Variants in WDPCP observed in about 807,000 individuals in gnomAD.
WDPCP encodes WD repeat containing planar cell polarity effector, also known as WD repeat-containing and planar cell polarity effector protein fritz homolog.
Under a neutral mutation model 93.1 loss-of-function variants are expected in WDPCP, and 71 were observed. That is an observed-to-expected ratio of 0.76 (90% CI 0.63 to 0.93). The LOEUF is 0.93. Ranked by LOEUF, WDPCP falls within the 40% of genes least tolerant of loss-of-function variation. The probability of loss-of-function intolerance (pLI) is 0.00; values close to 1 mark genes in which losing one functional copy is unlikely to be tolerated. For synonymous variants in WDPCP, 315 were observed against 315.0 expected (o/e 1.00, Z 0.00); for missense variants, 844 against 887.4 (o/e 0.95, Z 0.62).
At chr2:63,429,678 A>G (rs923270208) in intron 9 of WDPCP, among the ~76,000 whole-genome samples, 1 of 152,160 alleles carries the variant, frequency 6.6e-6, no homozygotes, top group Non-Finnish European at 1.5e-5. Context: ...TTAAAAGTCA[A>G]AAAATAACAG....
At chr2:63,343,311 G>T (rs1012349304) in intron 12 of WDPCP, among the ~76,000 whole-genome samples, 1 of 151,406 alleles carries the variant, frequency 6.6e-6, no homozygotes. Flanking sequence ...TCTTTAAACA[G>T]TTTGCATATG....
chr2:63,753,701 G>A (rs1267506784), intron 2 of WDPCP, among the ~76,000 whole-genome samples: 1 of 152,116 alleles, frequency 6.6e-6, no homozygotes, highest in East Asian at 1.9e-4. Flanking sequence ...CACCAAGGGG[G>A]ATGGTGTTAA....
intron 2 of WDPCP, among the ~76,000 whole-genome samples, chr2:63,813,212 T>C (rs1670885742): frequency 1.3e-5 from 2 of 152,056 alleles, no homozygotes; most frequent in Non-Finnish European, 2.9e-5. Context: ...ATAATGGCAA[T>C]AGCCCAGGTG....
chr2:63,771,559 T>C (rs1411520406), intron 2 of WDPCP, among the ~76,000 whole-genome samples: 1 of 151,908 alleles, frequency 6.6e-6, no homozygotes, highest in African/African-American at 2.4e-5. Flanking sequence ...ATTTCAACTT[T>C]TATTTTAGAT....
intron 2 of WDPCP, among the ~76,000 whole-genome samples, chr2:63,799,958 T>C (rs1192721477): frequency 6.6e-6 from 1 of 152,232 alleles, no homozygotes; most frequent in Non-Finnish European, 1.5e-5. Flanking sequence ...TTCTCTTTTG[T>C]ATGCAATTGT....
At chr2:63,332,972 T>G (rs1688087262) in intron 12 of WDPCP, among the ~76,000 whole-genome samples, 1 of 152,182 alleles carries the variant, frequency 6.6e-6, no homozygotes, top group Non-Finnish European at 1.5e-5. Context: ...TTCTATCCAC[T>G]TTTCCTGAAG....
At chr2:63,622,450 G>A (rs1024519961) in intron 3 of WDPCP, 95 of 1,613,766 alleles carry the variant, frequency 5.9e-5, no homozygotes, top group Middle Eastern at 1.6e-4. Flanking sequence ...CAGGCTTCCC[G>A]GCGGATTTCA....
At chr2:63,768,377 G>T (rs998654011) in intron 2 of WDPCP, among the ~76,000 whole-genome samples, 1 of 149,772 alleles carries the variant, frequency 6.7e-6, no homozygotes, top group Non-Finnish European at 1.5e-5. Flanking sequence ...GCTATTCCAG[G>T]TCCTCTGCAT....
At chr2:63,323,598 A>T (rs1363645566) in intron 12 of WDPCP, among the ~76,000 whole-genome samples, 1 of 151,986 alleles carries the variant, frequency 6.6e-6, no homozygotes, top group Non-Finnish European at 1.5e-5. Flanking sequence ...ATGGCCCTCC[A>T]CTTCATTTGG....
At chr2:63,552,918 AAAGG>A (rs1705792325) in intron 1 of WDPCP, among the ~76,000 whole-genome samples, 1 of 152,222 alleles carries the variant, frequency 6.6e-6, no homozygotes, top group African/African-American at 2.4e-5. Context: ...AAGTGTGTCT[AAAGG>A]TGATTTCTAC....
At chr2:63,268,141 T>G (rs1043988418) in intron 13 of WDPCP, among the ~76,000 whole-genome samples, 1 of 152,200 alleles carries the variant, frequency 6.6e-6, no homozygotes. Context: ...ATATATAGCC[T>G]TTAAAAATAA....
chr2:63,631,970 C>T (rs1709869115), intron 3 of WDPCP, among the ~76,000 whole-genome samples: 1 of 152,220 alleles, frequency 6.6e-6, no homozygotes, highest in African/African-American at 2.4e-5. Context: ...ACAGTCATTG[C>T]TGCCACAGAC....
chr2:63,269,023 T>C (rs983822077), intron 13 of WDPCP, among the ~76,000 whole-genome samples: 3 of 152,198 alleles, frequency 2.0e-5, no homozygotes, highest in African/African-American at 7.2e-5. Flanking sequence ...GTAAGATGTT[T>C]AGTCTTTTTT....
intron 2 of WDPCP, among the ~76,000 whole-genome samples, chr2:63,796,057 GC>G (rs1670610797): frequency 6.6e-6 from 1 of 152,174 alleles, no homozygotes; most frequent in Non-Finnish European, 1.5e-5. Flanking sequence ...TGAGAAGGCT[GC>G]TAGAAGATTT....
At chr2:63,422,019 T>C (rs1695902414) in intron 9 of WDPCP, among the ~76,000 whole-genome samples, 1 of 152,188 alleles carries the variant, frequency 6.6e-6, no homozygotes, top group South Asian at 2.1e-4. Context: ...CGAATATGTA[T>C]ATGTATAAAA....
intron 2 of WDPCP, among the ~76,000 whole-genome samples, chr2:63,811,502 A>G (rs1670861784): frequency 6.6e-6 from 1 of 152,162 alleles, no homozygotes; most frequent in African/African-American, 2.4e-5. Flanking sequence ...CCTTACCAAC[A>G]CAAGGAAATG....
chr2:63,699,896 G>T (rs962305699), intron 2 of WDPCP, among the ~76,000 whole-genome samples: 1 of 152,188 alleles, frequency 6.6e-6, no homozygotes, highest in African/African-American at 2.4e-5. Flanking sequence ...TAAGAGGGTA[G>T]ATGGTGAGAA....
intron 2 of WDPCP, among the ~76,000 whole-genome samples, chr2:63,753,386 G>A (rs927490002): frequency 6.6e-6 from 1 of 152,080 alleles, no homozygotes; most frequent in Admixed American, 6.6e-5. Flanking sequence ...CCAAGATTGC[G>A]CCATTGCACT....
upstream of WDPCP, chr2:63,593,305 G>C (rs557149683): frequency 5.6e-4 from 152 of 269,276 alleles, 4 homozygotes; most frequent in East Asian, 0.012. Flanking sequence ...TATTGGTCAG[G>C]CTGGTCTCAA....
Sources: allele counts gnomAD v4.1 joint callset (sites outside exome capture counted in the v4.1 genomes callset), GRCh38; gene constraint gnomAD v4.1.1; transcripts MANE v1.5; gene names NCBI Gene and HGNC (gene_info 2026-07-23, HGNC 2026-07-21).